Variants in NRG1 observed in about 807,000 individuals in gnomAD.
NRG1 encodes the protein pro-neuregulin-1, membrane-bound isoform.
NRG1 carries 18 observed loss-of-function variants against 63.8 expected under a neutral mutation model. The observed-to-expected ratio is 0.28, with a 90% confidence interval of 0.19 to 0.42. The LOEUF (loss-of-function observed/expected upper bound fraction) is 0.42, where lower values mean the gene tolerates loss of function less well. Among genes scored for constraint, NRG1 ranks in the 10% least tolerant of loss-of-function variants. The probability of loss-of-function intolerance (pLI) is 1.00; values close to 1 mark genes in which losing one functional copy is unlikely to be tolerated. For missense variants in NRG1, 762 were observed against 814.7 expected (o/e 0.94, Z 0.79); for synonymous variants, 302 against 301.3 (o/e 1.00, Z -0.02).
intron 1 of NRG1, among the ~76,000 whole-genome samples, chr8:32,580,898 G>A (rs2466066): frequency 0.19 from 28,421 of 152,082 alleles, 3,228 homozygotes; most frequent in Non-Finnish European, 0.27. Context: ...GTTATATACT[G>A]ATTTAGTGAT....
rs751755810 is a variant in NRG1 at position 32,705,132 on chromosome 8, A to ATTT, written c.503-22801_503-22799dup. Among the ~76,000 whole-genome samples the ATTT allele has an allele frequency of 3.6e-5, 5 of 140,006 alleles. 1 individual carries two copies. Among genetic ancestry groups the ATTT allele is most frequent in the Non-Finnish European group, 7.8e-5 (5 of 64,278 alleles). The allele number at this position is 140,006 out of a possible 152,430, so 91.8% of individuals were successfully genotyped here. ...ATCAGCATGGGATAGGTGACAATGAATTTTTTTTTTTTTTTTTTGAGACGG... is the reference window on the plus strand; with the variant it reads ...ATCAGCATGGGATAGGTGACAATGAATTTTTTTTTTTTTTTTTTTTTGAGACGG... On this transcript the variant is annotated intron_variant, in intron 5 of 11. Coordinates refer to ENST00000356819, the Ensembl canonical transcript of NRG1.
At position 32,195,642 on chromosome 8, in the gene NRG1, TAAA is replaced by T. The variant is rs531562077; in HGVS notation, c.38-400182_38-400180del. 8.7e-3 allele frequency among the ~76,000 whole-genome samples: 1,329 copies of T among 151,954 alleles called. 30 individuals carry two copies. The highest frequency in any genetic ancestry group is 0.03 in the African/African-American group (1,235 of 41,458). ...AATCTATTAAAAGGAAATGAAAGAATAAAAAAGCATGGCAATATCAGGCCATTA... is the reference window on the plus strand; with the variant it reads ...AATCTATTAAAAGGAAATGAAAGAATAAAGCATGGCAATATCAGGCCATTA... On this transcript the variant is annotated intron_variant, in intron 1 of 10. Coordinates refer to the NRG1 transcript ENST00000519301.
chr8:31,868,145 CT>C, intron 1 of NRG1, among the ~76,000 whole-genome samples: 1 of 52,402 alleles, frequency 1.9e-5, no homozygotes, highest in Non-Finnish European at 3.9e-5. Context: ...ACACATACAT[CT>C]TACACACACA....
chr8:32,115,351 T>C (rs1036550848), intron 1 of NRG1, among the ~76,000 whole-genome samples: 9 of 152,166 alleles, frequency 5.9e-5, no homozygotes, highest in African/African-American at 2.2e-4. Flanking sequence ...TATCATTGAC[T>C]AGAAATCTTA....
intron 1 of NRG1, among the ~76,000 whole-genome samples, chr8:32,482,663 A>AT (rs1302606947): frequency 6.6e-6 from 1 of 152,058 alleles, no homozygotes; most frequent in Non-Finnish European, 1.5e-5. Flanking sequence ...TCCTTCTTCC[A>AT]TACAGGAGGA....
intron 1 of NRG1, among the ~76,000 whole-genome samples, chr8:31,955,354 A>G (rs182887809): frequency 1.0e-3 from 154 of 152,384 alleles, no homozygotes; most frequent in Middle Eastern, 3.4e-3. Context: ...CATGCAATAC[A>G]GATCCTTTCA....
intron 1 of NRG1, chr8:32,171,252 G>A (rs1585810877): frequency 6.6e-6 from 1 of 152,264 alleles, no homozygotes; most frequent in East Asian, 1.9e-4. Flanking sequence ...TTAATTTTAA[G>A]TTCTGGGATA....
chr8:32,256,992 A>G (rs1007420337), intron 1 of NRG1, among the ~76,000 whole-genome samples: 1 of 152,150 alleles, frequency 6.6e-6, no homozygotes, highest in Admixed American at 6.5e-5. Flanking sequence ...CCCAGAGAGG[A>G]GGAATCTAGA....
At chr8:32,664,118 A>C (rs1156664989) in intron 5 of NRG1, among the ~76,000 whole-genome samples, 1 of 152,148 alleles carries the variant, frequency 6.6e-6, no homozygotes, top group Non-Finnish European at 1.5e-5. Context: ...ACCTAGAAAA[A>C]CAGATTAAGC....
At chr8:32,287,037 T>C (rs975108622) in intron 1 of NRG1, 2 of 152,308 alleles carry the variant, frequency 1.3e-5, no homozygotes, top group Non-Finnish European at 2.9e-5. Flanking sequence ...TCCATGCTTC[T>C]TGTATAGCCT....
rs373325753 is a variant in NRG1, at chr8:32,205,397, C to T, written c.38-390431C>T. Among the ~76,000 whole-genome samples, 38 of 152,180 alleles carry T rather than the reference C, an allele frequency of 2.5e-4. No homozygotes were observed. In the Middle Eastern group the frequency reaches 0.01, roughly 41 times the overall value. ...CATCCAGGAGCAGAACTATATCTTG[C>T]TGAGACATTTGTGATAATGACAAAA... On this transcript the variant is annotated intron_variant, in intron 1 of 10. Coordinates refer to the NRG1 transcript ENST00000519301.
chr8:31,894,220 A>C (rs1348353060), intron 1 of NRG1, among the ~76,000 whole-genome samples: 1 of 152,204 alleles, frequency 6.6e-6, no homozygotes. Flanking sequence ...ATTTGCATCT[A>C]CTATTTCAAG....
At chr8:32,044,279 A>G (rs1217852521) in intron 1 of NRG1, among the ~76,000 whole-genome samples, 1 of 151,922 alleles carries the variant, frequency 6.6e-6, no homozygotes, top group Non-Finnish European at 1.5e-5. Context: ...GTCTGTAGCA[A>G]ACAGCATAGC....
intron 1 of NRG1, among the ~76,000 whole-genome samples, chr8:32,150,995 T>C (rs1242279731): frequency 6.6e-6 from 1 of 152,158 alleles, no homozygotes; most frequent in African/African-American, 2.4e-5. Flanking sequence ...TTTTCAGCTG[T>C]CAACTAGGAT....
At chr8:32,688,833 C>A (rs28587287) in intron 5 of NRG1, among the ~76,000 whole-genome samples, 3 of 151,938 alleles carry the variant, frequency 2.0e-5, no homozygotes, top group Non-Finnish European at 4.4e-5. Flanking sequence ...ATTCCTATTC[C>A]TGATTTTATT....
chr8:31,880,368 TG>T (rs1319678872), intron 1 of NRG1, among the ~76,000 whole-genome samples: 1 of 152,128 alleles, frequency 6.6e-6, no homozygotes, highest in African/African-American at 2.4e-5. Context: ...TAGACAAACA[TG>T]GGTTTTGGCA....
intron 1 of NRG1, among the ~76,000 whole-genome samples, chr8:32,316,263 G>A (rs1269581197): frequency 1.3e-5 from 2 of 152,158 alleles, no homozygotes; most frequent in African/African-American, 4.8e-5. Context: ...AGATCAGGAA[G>A]TCCAGAGATC....
chr8:32,296,940 C>G (rs937581570), intron 1 of NRG1, among the ~76,000 whole-genome samples: 4 of 152,006 alleles, frequency 2.6e-5, no homozygotes, highest in South Asian at 2.1e-4. Context: ...CATGATGAAA[C>G]CCCCACTCTA....
Position 31,765,880 on chromosome 8 carries a change from A to T in NRG1, c.37+126449A>T, listed in dbSNP as rs573443301. Among the ~76,000 whole-genome samples the T allele has an allele frequency of 2.0e-5, 3 of 152,298 alleles. No individual in the cohort carries two copies. The East Asian group carries it at 5.8e-4, about 29-fold the overall frequency. On this transcript the variant is annotated intron_variant, in intron 1 of 10. Transcript: ENST00000519301. ...CTGTTTCTTCATTTACAAATAGAAG[A>T]AAAATAGCTGCAGTGATGATCAGGT...
Sources: gnomAD v4.1 joint callset for allele counts (sites outside exome capture counted in the v4.1 genomes callset) on GRCh38, gnomAD v4.1.1 for gene constraint, MANE v1.5 for transcripts, NCBI Gene and HGNC (gene_info 2026-07-23, HGNC 2026-07-21) for gene names.